The following ADD2 variants were observed in gnomAD, a reference collection of about 807,000 sequenced individuals.
ADD2 encodes the protein beta-adducin.
ADD2 carries 23 observed loss-of-function variants against 83.0 expected under a neutral mutation model. The ratio of observed to expected loss-of-function variants is 0.28; its 90% CI spans 0.20 to 0.39. The LOEUF is 0.39. Among genes scored for constraint, ADD2 ranks in the 10% least tolerant of loss-of-function variants. The pLI is 1.00. For synonymous variants in ADD2, 375 were observed against 375.4 expected (o/e 1.00, Z 0.01); for missense variants, 758 against 944.9 (o/e 0.80, Z 2.59).
At chr2:70,758,338 G>A (rs1553384239) in intron 1 of ADD2, among the ~76,000 whole-genome samples, 1 of 151,918 alleles carries the variant, frequency 6.6e-6, no homozygotes, top group Non-Finnish European at 1.5e-5. Flanking sequence ...TAGGCTTTCT[G>A]GAAGTTTGCC....
In ADD2 at chr2:70,663,117, C is replaced by G; in HGVS notation, c.*308G>C. ...CTAGGCTCAGATTGGTGGACAGCAT[C>G]CAAACAAAGGCAGCCCACAACTAGG... On this transcript the variant is annotated 3_prime_UTR_variant, in exon 16 of 16. Coordinates refer to ENST00000264436, the MANE Select transcript of ADD2 (RefSeq NM_001617.4). 1 of 286,364 alleles carries G rather than the reference C, an allele frequency of 3.5e-6. No homozygotes were observed. Among genetic ancestry groups the G allele is most frequent in the East Asian group, 7.5e-5 (1 of 13,320 alleles). The allele number at this position is 286,364 out of a possible 1,614,324, so 17.7% of individuals were successfully genotyped here.
intron 1 of ADD2, chr2:70,767,506 AGAGGG>A: frequency 4.7e-6 from 2 of 426,218 alleles, no homozygotes; most frequent in Non-Finnish European, 6.4e-6. Flanking sequence ...GGAAGGAAAG[AGAGGG>A]GAGGGGAGGG....
intron 2 of ADD2, among the ~76,000 whole-genome samples, chr2:70,707,089 C>T (rs1574269666): frequency 1.3e-5 from 2 of 152,330 alleles, no homozygotes; most frequent in South Asian, 4.1e-4. Context: ...ACAGGAACTA[C>T]TGAAACGTGG....
At chr2:70,704,263 T>TGCCCCCCCCACCCCCCC in intron 4 of ADD2, 58 bp downstream of exon 4, 1 of 913,238 alleles carries the variant, frequency 1.1e-6, no homozygotes, top group Non-Finnish European at 1.7e-6. Flanking sequence ...CTCCCTCTCT[T>TGCCCCCCCCACCCCCCC]CCCCACCCCA....
chr2:70,692,107 G>T (rs916727969), intron 7 of ADD2, among the ~76,000 whole-genome samples: 2 of 152,212 alleles, frequency 1.3e-5, no homozygotes, highest in African/African-American at 4.8e-5. Context: ...CTGGCTTCGT[G>T]GGGGCAGGCC....
At position 70,676,075 on chromosome 2, in the gene ADD2, T is replaced by C; in HGVS notation, c.1593+721A>G. 2.0e-6 allele frequency: 2 copies of C among 985,364 alleles called. No homozygotes were observed. The highest frequency in any genetic ancestry group is 2.4e-6 in the Non-Finnish European group (2 of 829,918). 61.0% of individuals were successfully genotyped at this position (985,364 alleles called of 1,614,324 possible). A position where few individuals can be genotyped will look rare whatever the true frequency, so the allele number is the denominator to read the frequency against. ...ACCTGAAATCATTGCATCATCACAA[T>C]TTGCCCTGCAGAGAGGAACATTTCC... On this transcript the variant is annotated intron_variant, in intron 13 of 15. Coordinates refer to ENST00000264436, the MANE Select transcript of ADD2 (RefSeq NM_001617.4). This position sits in a 1 kb window ranked among gnomAD's most constrained non-coding sequence, Gnocchi z 4.8.
intron 1 of ADD2, among the ~76,000 whole-genome samples, chr2:70,754,612 A>C (rs1674679429): frequency 6.7e-6 from 1 of 149,984 alleles, no homozygotes; most frequent in African/African-American, 2.5e-5. Flanking sequence ...CCCCTCCACC[A>C]CTCTCCTTAC....
chr2:70,717,370 A>C (rs1363670497), intron 1 of ADD2, among the ~76,000 whole-genome samples: 2 of 152,134 alleles, frequency 1.3e-5, no homozygotes, highest in Non-Finnish European at 2.9e-5. Flanking sequence ...TAGATGCCCG[A>C]GTTGTCTGAC....
At chr2:70,705,848 C>G (rs1351503694) in intron 3 of ADD2, among the ~76,000 whole-genome samples, 2 of 152,128 alleles carry the variant, frequency 1.3e-5, no homozygotes, top group Non-Finnish European at 2.9e-5. Context: ...GTAAAGGGAG[C>G]CCCAAGCCCT....
intron 2 of ADD2, among the ~76,000 whole-genome samples, chr2:70,709,220 C>G (rs566770186): frequency 6.6e-6 from 1 of 152,138 alleles, no homozygotes; most frequent in Admixed American, 6.5e-5. Context: ...CCTGATCTCC[C>G]CCAACCAGCA....
chr2:70,667,005 T>C (rs1217656150), intron 15 of ADD2, among the ~76,000 whole-genome samples: 3 of 151,998 alleles, frequency 2.0e-5, no homozygotes, highest in Non-Finnish European at 4.4e-5. Context: ...GAAATCAACA[T>C]GTGTTAGGCC....
At chr2:70,738,026 A>G (rs4852705) in intron 1 of ADD2, among the ~76,000 whole-genome samples, 3 of 151,998 alleles carry the variant, frequency 2.0e-5, no homozygotes, top group African/African-American at 7.3e-5. Flanking sequence ...GAGCTGAACA[A>G]TGGATCTGGG....
chr2:70,732,518 T>C (rs1259077074), intron 1 of ADD2, among the ~76,000 whole-genome samples: 2 of 152,224 alleles, frequency 1.3e-5, no homozygotes, highest in African/African-American at 2.4e-5. Flanking sequence ...TTCTAGGCAC[T>C]GCATCATGAG....
At chr2:70,726,455 C>G (rs1673006431) in intron 1 of ADD2, among the ~76,000 whole-genome samples, 1 of 152,096 alleles carries the variant, frequency 6.6e-6, no homozygotes, top group Non-Finnish European at 1.5e-5. Flanking sequence ...TGAGTTTTGA[C>G]TGCTCCAGTT....
In ADD2 at chr2:70,696,376, T is replaced by C. The variant is rs1671314641; in HGVS notation, c.343A>G (p.Ile115Val). The change falls in exon 5 of 16, where the codon ATC becomes GTC. Residue 115 changes from isoleucine to valine, a missense_variant. This residue lies in a region of ADD2 where 175 missense variants were observed against 192.1 expected (regional missense o/e 0.91). Transcript: ENST00000264436. ...GAGTCAGCTGTGTGGAGGTCATTGA[T>C]AGGCGTCATCATGGAGACATCTGCA... is the stretch of plus-strand genomic sequence containing the variant. Reference protein sequence around the residue: ...SSMNVSMMTPINDLHTADSLN... With the variant: ...SSMNVSMMTPVNDLHTADSLN... 6.2e-7 allele frequency: 1 copy of C among 1,614,100 alleles called. No individual in the cohort carries two copies. Among genetic ancestry groups the C allele is most frequent in the African/African-American group, 1.3e-5 (1 of 74,940 alleles).
At chr2:70,711,423 C>T (rs1236351060) in intron 2 of ADD2, among the ~76,000 whole-genome samples, 3 of 152,050 alleles carry the variant, frequency 2.0e-5, no homozygotes, top group Admixed American at 6.6e-5. Context: ...AGCAGCAGCT[C>T]CACCCCCCAC....
chr2:70,760,207 C>A (rs1382911353), intron 1 of ADD2, among the ~76,000 whole-genome samples: 3 of 152,198 alleles, frequency 2.0e-5, no homozygotes, highest in Non-Finnish European at 4.4e-5. Flanking sequence ...CATCTTGAAA[C>A]CTACACGTGC....
intron 1 of ADD2, among the ~76,000 whole-genome samples, chr2:70,764,718 C>G (rs974434085): frequency 6.6e-6 from 1 of 151,472 alleles, no homozygotes; most frequent in Non-Finnish European, 1.5e-5. Flanking sequence ...CAGGAGGTCC[C>G]GGCTACAGGG....
At chr2:70,689,243 A>C (rs1670903257) in intron 8 of ADD2, among the ~76,000 whole-genome samples, 2 of 152,246 alleles carry the variant, frequency 1.3e-5, no homozygotes, top group African/African-American at 4.8e-5. Context: ...AATTTGTACC[A>C]AGAGCACAAC....
Sources: allele counts gnomAD v4.1 joint callset (sites outside exome capture counted in the v4.1 genomes callset), GRCh38; gene constraint gnomAD v4.1.1; regional missense constraint gnomAD v4.1.1; non-coding constraint Gnocchi (gnomAD v3.1); transcripts MANE v1.5; gene names NCBI Gene and HGNC (gene_info 2026-07-23, HGNC 2026-07-21).